NKAIN2: variants seen among roughly 807,000 people sequenced by gnomAD.
NKAIN2 encodes sodium/potassium transporting ATPase interacting 2.
NKAIN2 carries 14 observed loss-of-function variants against 32.6 expected under a neutral mutation model. That is an observed-to-expected ratio of 0.43 (90% CI 0.28 to 0.67). The LOEUF is 0.67. Among genes scored for constraint, NKAIN2 ranks in the 30% least tolerant of loss-of-function variants. The pLI is 0.17. For missense variants in NKAIN2, 198 were observed against 258.3 expected (o/e 0.77, Z 1.60); for synonymous variants, 80 against 87.2 (o/e 0.92, Z 0.46).
intron 3 of NKAIN2, among the ~76,000 whole-genome samples, chr6:124,533,500 A>T (rs1352302635): frequency 1.4e-5 from 2 of 142,728 alleles, no homozygotes; most frequent in African/African-American, 5.3e-5. Flanking sequence ...AATCCTGCTG[A>T]TTGATAATCC....
intron 1 of NKAIN2, among the ~76,000 whole-genome samples, chr6:124,248,844 G>T (rs1793549666): frequency 6.6e-6 from 1 of 152,096 alleles, no homozygotes; most frequent in African/African-American, 2.4e-5. Flanking sequence ...GCCGACATCA[G>T]TGTGCTAACA....
At chr6:124,206,656 CAG>C (rs1257905053) in intron 1 of NKAIN2, among the ~76,000 whole-genome samples, 5 of 151,882 alleles carry the variant, frequency 3.3e-5, no homozygotes, top group African/African-American at 1.2e-4. Flanking sequence ...TTTTTCTCTT[CAG>C]AGTCATATTG....
chr6:123,891,309 G>A (rs117003638), intron 1 of NKAIN2, among the ~76,000 whole-genome samples: 3 of 152,234 alleles, frequency 2.0e-5, no homozygotes, highest in Non-Finnish European at 4.4e-5. Flanking sequence ...CTATTAAAGT[G>A]TAAACATAAA....
intron 3 of NKAIN2, among the ~76,000 whole-genome samples, chr6:124,364,288 A>G (rs1366437249): frequency 1.3e-5 from 2 of 150,854 alleles, no homozygotes; most frequent in Admixed American, 1.3e-4. Context: ...GGGTTCAACA[A>G]AAGATTCAAT....
intron 5 of NKAIN2, among the ~76,000 whole-genome samples, chr6:124,817,299 CA>C (rs1781209200): frequency 2.0e-5 from 3 of 151,928 alleles, no homozygotes; most frequent in Non-Finnish European, 4.4e-5. Context: ...ATGTGTGACC[CA>C]AGACAATTCT....
chr6:124,388,055 A>G (rs1296171318), intron 3 of NKAIN2, among the ~76,000 whole-genome samples: 1 of 152,086 alleles, frequency 6.6e-6, no homozygotes, highest in East Asian at 1.9e-4. Flanking sequence ...AATGCACAGA[A>G]GAGCCCTAAT....
intron 1 of NKAIN2, among the ~76,000 whole-genome samples, chr6:124,058,628 G>A (rs1218017697): frequency 1.3e-5 from 2 of 152,008 alleles, no homozygotes; most frequent in African/African-American, 4.8e-5. Flanking sequence ...GGTTAAATGG[G>A]TGGTCAGAAA....
intron 1 of NKAIN2, among the ~76,000 whole-genome samples, chr6:123,894,107 T>C (rs147469023): frequency 6.7e-6 from 1 of 150,110 alleles, no homozygotes; most frequent in East Asian, 1.9e-4. Flanking sequence ...AACATTTATT[T>C]ACATTTTTAA....
chr6:124,182,399 T>C (rs1562406643), intron 1 of NKAIN2, among the ~76,000 whole-genome samples: 1 of 152,210 alleles, frequency 6.6e-6, no homozygotes, highest in Non-Finnish European at 1.5e-5. Context: ...TATGAGTTAC[T>C]TGGAATAATC....
At chr6:124,534,566 G>C (rs1221897116) in intron 3 of NKAIN2, among the ~76,000 whole-genome samples, 3 of 152,220 alleles carry the variant, frequency 2.0e-5, no homozygotes, top group Non-Finnish European at 4.4e-5. Flanking sequence ...GTATGTTTGA[G>C]TATGACAGAT....
chr6:124,138,538 T>C (rs1582718510), intron 1 of NKAIN2, among the ~76,000 whole-genome samples: 1 of 150,936 alleles, frequency 6.6e-6, no homozygotes, highest in South Asian at 2.1e-4. Context: ...CATTTGCATG[T>C]CTATGTTTAT....
At chr6:124,230,770 G>A (rs949803922) in intron 1 of NKAIN2, among the ~76,000 whole-genome samples, 4 of 152,234 alleles carry the variant, frequency 2.6e-5, no homozygotes, top group Admixed American at 2.0e-4. Context: ...GGCAGATGAT[G>A]TTTGGAAATG....
At chr6:124,608,687 C>T (rs1361343202) in intron 3 of NKAIN2, among the ~76,000 whole-genome samples, 2 of 152,084 alleles carry the variant, frequency 1.3e-5, no homozygotes, top group Non-Finnish European at 2.9e-5. Flanking sequence ...TGCTGGCAAA[C>T]GATTGGAAGT....
chr6:124,320,308 T>G (rs1318105721), intron 2 of NKAIN2, among the ~76,000 whole-genome samples: 1 of 152,188 alleles, frequency 6.6e-6, no homozygotes. Context: ...CTATTTTCAT[T>G]GCAGTCTTGT....
At chr6:124,771,785 AC>A (rs1778771361) in intron 4 of NKAIN2, among the ~76,000 whole-genome samples, 1 of 152,148 alleles carries the variant, frequency 6.6e-6, no homozygotes, top group Non-Finnish European at 1.5e-5. Context: ...TAGAGTAAAA[AC>A]ACCCAGCAAA....
intron 1 of NKAIN2, among the ~76,000 whole-genome samples, chr6:124,224,685 A>G (rs1309173560): frequency 1.3e-5 from 2 of 152,100 alleles, no homozygotes; most frequent in African/African-American, 4.8e-5. Context: ...TTGTCATAAA[A>G]AGGTTTTAAG....
chr6:124,795,352 G>C (rs9388375), intron 5 of NKAIN2, among the ~76,000 whole-genome samples: 71,016 of 151,964 alleles, frequency 0.47, 16,766 homozygotes, highest in South Asian at 0.61. Context: ...AGAGGAAAGA[G>C]GCAGAAACCT....
At chr6:124,118,239 G>A (rs997286155) in intron 1 of NKAIN2, among the ~76,000 whole-genome samples, 18 of 151,776 alleles carry the variant, frequency 1.2e-4, no homozygotes, top group African/African-American at 4.1e-4. Flanking sequence ...AAAAAGAGGA[G>A]GTATGGCTAA....
intron 3 of NKAIN2, among the ~76,000 whole-genome samples, chr6:124,640,932 G>C (rs548638486): frequency 6.6e-6 from 1 of 151,134 alleles, no homozygotes; most frequent in Admixed American, 6.6e-5. Flanking sequence ...ACCTTTCAGT[G>C]AATTACAAGG....
Sources: gnomAD v4.1 joint callset for allele counts (sites outside exome capture counted in the v4.1 genomes callset) on GRCh38, gnomAD v4.1.1 for gene constraint, MANE v1.5 for transcripts, NCBI Gene and HGNC (gene_info 2026-07-23, HGNC 2026-07-21) for gene names.